Variants in ZNF444 observed in about 807,000 individuals in gnomAD.
The protein encoded by ZNF444 is zinc finger protein 444.
ZNF444 carries 8 observed loss-of-function variants against 14.4 expected under a neutral mutation model. The observed-to-expected ratio is 0.56, with a 90% CI of 0.33 to 1.00. The LOEUF (loss-of-function observed/expected upper bound fraction) is 1.00, where lower values mean the gene tolerates loss of function less well. Ranked by LOEUF, ZNF444 falls within the 50% of genes least tolerant of loss-of-function variation. The pLI is 0.03. For missense variants in ZNF444, 510 were observed against 504.8 expected, an observed-to-expected ratio of 1.01 and a Z score of -0.10; for synonymous variants, 258 against 235.9, an observed-to-expected ratio of 1.09 and a Z score of -0.86.
intron 1 of ZNF444, among the ~76,000 whole-genome samples, chr19:56,133,262 T>G (rs8108818): frequency 0.95 from 140,385 of 147,612 alleles, 67,306 homozygotes; most frequent in Non-Finnish European, 0.99. Flanking sequence ...TAGTAGAGAC[T>G]TGGTTTCACC....
chr19:56,148,934 G>A (rs1025423426), intron 3 of ZNF444, among the ~76,000 whole-genome samples: 19 of 152,264 alleles, frequency 1.2e-4, no homozygotes, highest in East Asian at 3.9e-4. Flanking sequence ...ATCCGTTTCC[G>A]GCCTTTTCCA....
rs930530013 is a variant in ZNF444 at position 56,151,983 on chromosome 19, CGAG to C, written c.297+4779_297+4781del. On this transcript the variant is annotated intron_variant, in intron 3 of 4. Transcript: ENST00000337080. Reference sequence around the variant, plus strand: ...TGCCGGATGAGAAGGAGAGGACAGCCGAGGAGAGGCTCCTGTACTGGTAGAAAG... The same window carrying C: ...TGCCGGATGAGAAGGAGAGGACAGCCGAGAGGCTCCTGTACTGGTAGAAAG... 8.8e-6 allele frequency: 4 copies of C among 453,112 alleles called. No homozygotes were observed. The Admixed American group carries it at 9.5e-5, about 11-fold the overall frequency. 28.1% of individuals were successfully genotyped at this position (453,112 alleles called of 1,614,324 possible).
chr19:56,159,642 C>T lies in ZNF444; in HGVS notation c.425C>T (p.Ala142Val), dbSNP rs2036820097. The T allele has an allele frequency of 9.0e-6, 13 of 1,452,304 alleles. No homozygotes were observed. The highest frequency in any genetic ancestry group is 8.1e-6 in the Non-Finnish European group (9 of 1,107,300). The allele number at this position is 1,452,304 out of a possible 1,614,324, so 90.0% of individuals were successfully genotyped here. Reference protein sequence around the residue: ...MIPLAGTAPGAEGPAPGDSQA... With the variant: ...MIPLAGTAPGVEGPAPGDSQA... ...TTCCCAGCAGGCACCGCCCCTGGGG[C>T]TGAGGGGCCGGCGCCTGGGGACTCC... is the stretch of plus-strand genomic sequence containing the variant. Residue 142 changes from alanine to valine, a missense_variant, in exon 5 of 5, where the codon GCT becomes GTT. Ala to Val is a moderately conservative substitution (Grantham distance 64, BLOSUM62 0). Coordinates refer to ENST00000337080, the MANE Select transcript of ZNF444 (RefSeq NM_018337.4).
At chr19:56,138,095 G>A (rs2030652178), upstream of ZNF444, among the ~76,000 whole-genome samples, 1 of 152,086 alleles carries the variant, frequency 6.6e-6, no homozygotes, top group African/African-American at 2.4e-5. Context: ...TTGCACTCCA[G>A]CCTGGGTGAC....
intron 3 of ZNF444, among the ~76,000 whole-genome samples, chr19:56,152,389 G>A (rs1023451922): frequency 6.6e-6 from 1 of 151,004 alleles, no homozygotes; most frequent in Middle Eastern, 3.5e-3. Context: ...TGAAGTTGCG[G>A]TTATGAGGTG....
At chr19:56,139,823 C>A (rs982038456), upstream of ZNF444, among the ~76,000 whole-genome samples, 3 of 151,544 alleles carry the variant, frequency 2.0e-5, no homozygotes, top group African/African-American at 7.3e-5. Context: ...TGGGAAGGAA[C>A]AAATTTCTTC....
Position 56,159,610 on chromosome 19 carries a change from C to CT in ZNF444, c.407-11dup. 1.4e-6 allele frequency: 2 copies of CT among 1,426,748 alleles called. No individual in the cohort carries two copies. The highest frequency in any genetic ancestry group is 2.0e-4 in the Middle Eastern group (1 of 5,026). 88.4% of individuals were successfully genotyped at this position (1,426,748 alleles called of 1,614,324 possible). ...TCGTGCCGACCCAGATGCTGACTCT[C>CT]TTTCTTTTCCCAGCAGGCACCGCCC... is the stretch of plus-strand genomic sequence containing the variant. On this transcript the variant is annotated splice_polypyrimidine_tract_variant and intron_variant, in intron 4 of 4. Coordinates refer to ENST00000337080, the MANE Select transcript of ZNF444 (RefSeq NM_018337.4).
upstream of ZNF444, among the ~76,000 whole-genome samples, chr19:56,137,967 C>CA (rs1034508643): frequency 7.3e-5 from 11 of 151,648 alleles, no homozygotes; most frequent in Admixed American, 6.6e-5. Context: ...ATTAAAATTA[C>CA]AAAAAAATTA....
intron 3 of ZNF444, 90 bp from the exon 4 acceptor site, chr19:56,158,404 G>T (rs796254015): frequency 8.1e-7 from 1 of 1,229,256 alleles, no homozygotes; most frequent in Non-Finnish European, 1.1e-6. Context: ...GCAGGGATGG[G>T]ATTGCACAGC....
In ZNF444 at chr19:56,159,743, C is replaced by G. The variant is rs2032157956; in HGVS notation, c.526C>G (p.Pro176Ala). ...TGGCCTGCCCGCCTTCCTAGCGGCC[C>G]CGGGCACCACGTCCTGCCCCGAGTG... ...APGLPAFLAAPGTTSCPECGK... is the reference protein window; with the variant it reads ...APGLPAFLAAAGTTSCPECGK... Residue 176 changes from proline (P) to alanine (A), a missense_variant, in exon 5 of 5, where the codon CCG (proline) becomes GCG (alanine). Pro to Ala is a conservative substitution (Grantham distance 27). Transcript: ENST00000337080. 6.3e-7 allele frequency: 1 copy of G among 1,585,964 alleles called. No individual in the cohort carries two copies. Among genetic ancestry groups the G allele is most frequent in the Non-Finnish European group, 8.5e-7 (1 of 1,170,222 alleles).
Position 56,160,249 on chromosome 19 carries a change from C to G in ZNF444, c.*48C>G, listed in dbSNP as rs537440349. 1.2e-4 allele frequency: 169 copies of G among 1,374,794 alleles called. No individual in the cohort carries two copies. In the East Asian group the frequency reaches 4.2e-3, roughly 34 times the overall value. The allele number at this position is 1,374,794 out of a possible 1,614,324, so 85.2% of individuals were successfully genotyped here. On this transcript the variant is annotated 3_prime_UTR_variant, in exon 5 of 5. Transcript: ENST00000337080. Reference sequence around the variant, plus strand: ...TCCCGCCCTTGGTGCTGCCCCCGGGCGGTACCTGCTCTCTCCCAGCGCCAC... The same window carrying G: ...TCCCGCCCTTGGTGCTGCCCCCGGGGGGTACCTGCTCTCTCCCAGCGCCAC...
At chr19:56,142,662 C>T (rs2030908115) in intron 1 of ZNF444, among the ~76,000 whole-genome samples, 1 of 152,194 alleles carries the variant, frequency 6.6e-6, no homozygotes, top group South Asian at 2.1e-4. Flanking sequence ...CTTCTAACTC[C>T]TGCTCCCAGC....
chr19:56,136,589 AG>A (rs1217035270), upstream of ZNF444, among the ~76,000 whole-genome samples: 1 of 152,130 alleles, frequency 6.6e-6, no homozygotes, highest in African/African-American at 2.4e-5. Context: ...TAGCCTTCCG[AG>A]TGCTTTGCGT....
At chr19:56,153,095 G>A (rs1460583409) in intron 3 of ZNF444, among the ~76,000 whole-genome samples, 1 of 152,046 alleles carries the variant, frequency 6.6e-6, no homozygotes, top group East Asian at 1.9e-4. Flanking sequence ...CTGGAGTTGG[G>A]GACCACCAAT....
intron 3 of ZNF444, chr19:56,158,026 T>C (rs1263217664): frequency 6.6e-6 from 1 of 152,606 alleles, no homozygotes; most frequent in Non-Finnish European, 1.5e-5. Context: ...AAGTAGCTTA[T>C]ATATTCTGCA....
intron 3 of ZNF444, chr19:56,155,123 C>T (rs2031826423): frequency 6.6e-6 from 1 of 151,866 alleles, no homozygotes. Flanking sequence ...CAAATTGGCT[C>T]AGTCAGTCAC....
rs1056648663 is a variant in ZNF444, at chr19:56,146,884, C to T, written c.-22-6C>T. On this transcript the variant is annotated splice_polypyrimidine_tract_variant and splice_region_variant and intron_variant, in intron 2 of 4. Transcript: ENST00000337080. ...GGCAGGGGTCTCACCGGCTTGTTCCCTGCAGGCGCTGCGGTCCGGGAGGCC... is the reference window on the plus strand; with the variant it reads ...GGCAGGGGTCTCACCGGCTTGTTCCTTGCAGGCGCTGCGGTCCGGGAGGCC... The T allele has an allele frequency of 1.8e-5, 25 of 1,383,150 alleles. No homozygotes were observed. Among genetic ancestry groups the T allele is most frequent in the Non-Finnish European group, 2.1e-5 (23 of 1,076,806 alleles). The allele number at this position is 1,383,150 out of a possible 1,614,324, so 85.7% of individuals were successfully genotyped here.
intron 3 of ZNF444, among the ~76,000 whole-genome samples, chr19:56,152,772 C>A (rs1040055783): frequency 2.6e-5 from 4 of 152,098 alleles, no homozygotes; most frequent in Non-Finnish European, 5.9e-5. Context: ...TGTGTCCTCA[C>A]AGGGCAGAAG....
intron 3 of ZNF444, chr19:56,150,391 C>A: frequency 3.3e-6 from 1 of 299,516 alleles, no homozygotes; most frequent in Non-Finnish European, 6.5e-6. Context: ...GCCGTCGGGA[C>A]TCTCCTGCGT....
Sources: gnomAD v4.1 joint callset for allele counts (sites outside exome capture counted in the v4.1 genomes callset) on GRCh38, gnomAD v4.1.1 for gene constraint, MANE v1.5 for transcripts, NCBI Gene and HGNC (gene_info 2026-07-23, HGNC 2026-07-21) for gene names.